CFAP299: variants seen among roughly 807,000 people sequenced by gnomAD.
CFAP299 encodes cilia and flagella associated protein 299.
Under a neutral mutation model 27.0 loss-of-function variants are expected in CFAP299, and 21 were observed. That is an observed-to-expected ratio of 0.78 (90% CI 0.55 to 1.12). The LOEUF (loss-of-function observed/expected upper bound fraction) is 1.12, where lower values mean the gene tolerates loss of function less well. Among genes scored for constraint, CFAP299 ranks in the 50% most tolerant of loss-of-function variants. CFAP299 has a pLI of 0.00. For synonymous variants in CFAP299, 104 were observed against 98.1 expected, an observed-to-expected ratio of 1.06 and a Z score of -0.36; for missense variants, 310 against 276.6, an observed-to-expected ratio of 1.12 and a Z score of -0.86.
chr4:80,377,926 A>G (rs1560537125), intron 2 of CFAP299, among the ~76,000 whole-genome samples: 1 of 152,180 alleles, frequency 6.6e-6, no homozygotes, highest in Non-Finnish European at 1.5e-5. Context: ...GTGGCAAGAC[A>G]ATAATGAGGA....
chr4:80,796,292 G>A (rs1396201131), intron 3 of CFAP299, among the ~76,000 whole-genome samples: 3 of 152,160 alleles, frequency 2.0e-5, no homozygotes, highest in African/African-American at 4.8e-5. Flanking sequence ...GATCTCTGAA[G>A]TTTAGTTGGA....
intron 2 of CFAP299, among the ~76,000 whole-genome samples, chr4:80,368,972 A>T (rs1038229576): frequency 2.0e-5 from 3 of 152,208 alleles, no homozygotes; most frequent in African/African-American, 7.2e-5. Flanking sequence ...CTGTGAAAGG[A>T]AAAGTGAGGA....
At chr4:80,961,771 G>A (rs888544269) in intron 5 of CFAP299, among the ~76,000 whole-genome samples, 1 of 151,852 alleles carries the variant, frequency 6.6e-6, no homozygotes, top group African/African-American at 2.4e-5. Flanking sequence ...ATGGGCGCAA[G>A]AGTCTTAATT....
chr4:80,574,065 C>T (rs1735727172), intron 2 of CFAP299, among the ~76,000 whole-genome samples: 1 of 152,054 alleles, frequency 6.6e-6, no homozygotes, highest in African/African-American at 2.4e-5. Context: ...AACATTTTAA[C>T]AATATTGTTT....
At position 80,665,823 on chromosome 4, in the gene CFAP299, C is replaced by T. The variant is rs535793240; in HGVS notation, c.333+82640C>T. On this transcript the variant is annotated intron_variant, in intron 3 of 5. Coordinates refer to ENST00000358105, the MANE Select transcript of CFAP299 (RefSeq NM_152770.3). Reference sequence around the variant, plus strand: ...AGTACAATCGCCTTGGTACTGTTCTCAGAATAGTGAGTGAGTCCTTGTGAG... The same window carrying T: ...AGTACAATCGCCTTGGTACTGTTCTTAGAATAGTGAGTGAGTCCTTGTGAG... Among the ~76,000 whole-genome samples the T allele has an allele frequency of 8.5e-5, 13 of 152,184 alleles. No individual in the cohort carries two copies. In the East Asian group the frequency reaches 2.5e-3, roughly 29 times the overall value.
At chr4:80,525,750 C>G (rs556687921) in intron 2 of CFAP299, among the ~76,000 whole-genome samples, 1 of 152,214 alleles carries the variant, frequency 6.6e-6, no homozygotes, top group East Asian at 1.9e-4. Context: ...CTTTTCCTTT[C>G]TTACCCCTCA....
chr4:80,345,491 T>C (rs1340623549), intron 1 of CFAP299, among the ~76,000 whole-genome samples: 1 of 146,306 alleles, frequency 6.8e-6, no homozygotes, highest in Non-Finnish European at 1.5e-5. Flanking sequence ...GTTCTCATTG[T>C]TCAGTTCCCT....
intron 3 of CFAP299, among the ~76,000 whole-genome samples, chr4:80,745,609 A>G (rs917198362): frequency 1.3e-5 from 2 of 152,070 alleles, no homozygotes; most frequent in Middle Eastern, 3.2e-3. Context: ...GTTTCCATAT[A>G]CCACAAATTC....
At chr4:80,524,363 C>G (rs1397076704) in intron 2 of CFAP299, among the ~76,000 whole-genome samples, 1 of 151,958 alleles carries the variant, frequency 6.6e-6, no homozygotes, top group Non-Finnish European at 1.5e-5. Context: ...GCACTATTGA[C>G]AGTTTGTTTC....
chr4:80,335,725 C>T, upstream of CFAP299: 2 of 1,209,390 alleles, frequency 1.7e-6, no homozygotes, highest in Non-Finnish European at 1.2e-6. Context: ...TGACCCTGCC[C>T]TCCTGCTTCC....
rs1484092524 is a variant in CFAP299 at position 80,519,526 on chromosome 4, C to A, written c.243-63567C>A. Reference sequence around the variant, plus strand: ...CTGGCCTCAGTTAATATTTGTTGAACAAATACAATTGCAGTGAATTAAAGC... The same window carrying A: ...CTGGCCTCAGTTAATATTTGTTGAAAAAATACAATTGCAGTGAATTAAAGC... On this transcript the variant is annotated intron_variant, in intron 2 of 5. Coordinates refer to ENST00000358105, the MANE Select transcript of CFAP299 (RefSeq NM_152770.3). Among the ~76,000 whole-genome samples the A allele has an allele frequency of 2.0e-5, 3 of 152,024 alleles. No homozygotes were observed. In the East Asian group the frequency reaches 5.8e-4, roughly 29 times the overall value.
intron 2 of CFAP299, among the ~76,000 whole-genome samples, chr4:80,410,224 A>G (rs1474122968): frequency 2.0e-5 from 3 of 152,232 alleles, no homozygotes; most frequent in African/African-American, 4.8e-5. Context: ...AAAGATGGAC[A>G]TAAGTATAAG....
At chr4:80,362,910 A>AT (rs757297247) in intron 2 of CFAP299, 26 bp downstream of exon 2, 1 of 1,589,760 alleles carries the variant, frequency 6.3e-7, no homozygotes, top group East Asian at 2.3e-5. Flanking sequence ...CCAAATCCAG[A>AT]TTTTATGTTA....
intron 4 of CFAP299, among the ~76,000 whole-genome samples, chr4:80,882,436 A>G (rs1007080227): frequency 6.6e-6 from 1 of 152,148 alleles, no homozygotes; most frequent in African/African-American, 2.4e-5. Flanking sequence ...CAGGAGATCG[A>G]GACCATCCTG....
At chr4:80,407,512 A>G (rs1461165340) in intron 2 of CFAP299, among the ~76,000 whole-genome samples, 2 of 152,158 alleles carry the variant, frequency 1.3e-5, no homozygotes, top group East Asian at 3.8e-4. Flanking sequence ...CTAGCCTGAC[A>G]TGTTCTTCTG....
intron 3 of CFAP299, among the ~76,000 whole-genome samples, chr4:80,704,800 C>T (rs1050252560): frequency 6.6e-6 from 1 of 151,746 alleles, no homozygotes; most frequent in African/African-American, 2.4e-5. Context: ...TTGGAGGTTT[C>T]AGACAATTCT....
At chr4:80,404,480 T>C (rs1726316698) in intron 2 of CFAP299, among the ~76,000 whole-genome samples, 1 of 152,218 alleles carries the variant, frequency 6.6e-6, no homozygotes, top group South Asian at 2.1e-4. Flanking sequence ...TTTATTCTAC[T>C]TTCTGTTTCT....
chr4:80,524,438 C>T (rs890191175), intron 2 of CFAP299, among the ~76,000 whole-genome samples: 5 of 151,680 alleles, frequency 3.3e-5, no homozygotes, highest in Non-Finnish European at 5.9e-5. Flanking sequence ...TTGATTTCTC[C>T]CTACTAGATG....
intron 3 of CFAP299, among the ~76,000 whole-genome samples, chr4:80,762,620 T>C (rs1330779758): frequency 6.6e-6 from 1 of 152,166 alleles, no homozygotes; most frequent in Admixed American, 6.5e-5. Flanking sequence ...ATCCTTGTAC[T>C]GGGTCCTTTC....
Sources: allele counts gnomAD v4.1 joint callset (sites outside exome capture counted in the v4.1 genomes callset), GRCh38; gene constraint gnomAD v4.1.1; transcripts MANE v1.5; gene names NCBI Gene and HGNC (gene_info 2026-07-23, HGNC 2026-07-21).